Variants in KCNH7 observed in about 807,000 individuals in gnomAD.
KCNH7 encodes voltage-gated inwardly rectifying potassium channel KCNH7.
Under a neutral mutation model 120.8 loss-of-function variants are expected in KCNH7, and 49 were observed. The observed-to-expected ratio is 0.41, with a 90% CI of 0.32 to 0.51. The LOEUF (loss-of-function observed/expected upper bound fraction) is 0.51, where lower values mean the gene tolerates loss of function less well. KCNH7 is among the 20% of genes least tolerant of loss of function. KCNH7 has a pLI of 0.38. For synonymous variants in KCNH7, 547 were observed against 516.1 expected, an observed-to-expected ratio of 1.06 and a Z score of -0.81; for missense variants, 1,097 against 1,446.6, an observed-to-expected ratio of 0.76 and a Z score of 3.92.
chr2:162,482,498 C>T (rs1224388813), intron 6 of KCNH7, among the ~76,000 whole-genome samples: 2 of 152,074 alleles, frequency 1.3e-5, no homozygotes, highest in East Asian at 1.9e-4. Flanking sequence ...TATATTAAAG[C>T]GAGTTCATGT....
chr2:162,641,566 AG>A (rs964713842), intron 2 of KCNH7, among the ~76,000 whole-genome samples: 7 of 151,312 alleles, frequency 4.6e-5, no homozygotes, highest in African/African-American at 1.7e-4. Flanking sequence ...AAAAAAAAAA[AG>A]ATTGCATAGT....
At chr2:162,440,830 G>A (rs1014003653) in intron 7 of KCNH7, among the ~76,000 whole-genome samples, 20 of 151,962 alleles carry the variant, frequency 1.3e-4, no homozygotes, top group African/African-American at 4.8e-4. Flanking sequence ...TTTCTGTACA[G>A]TAGCAGACAA....
rs891308744 is a variant in KCNH7, at chr2:162,702,115, T to A, written c.307+134422A>T. Reference sequence around the variant, plus strand: ...AGAGGGAAATGCATGGAGAAAAAAATTTTTTCAAAATATTCGGTCCTTTTA... The same window carrying A: ...AGAGGGAAATGCATGGAGAAAAAAAATTTTTCAAAATATTCGGTCCTTTTA... On this transcript the variant is annotated intron_variant, in intron 2 of 15. Coordinates refer to ENST00000332142, the MANE Select transcript of KCNH7 (RefSeq NM_033272.4). Among the ~76,000 whole-genome samples, 4 of 151,836 alleles carry A rather than the reference T, an allele frequency of 2.6e-5. No homozygotes were observed. The East Asian group carries it at 5.8e-4, about 22-fold the overall frequency.
chr2:162,590,644 A>T (rs963714376), intron 2 of KCNH7, among the ~76,000 whole-genome samples: 4 of 152,118 alleles, frequency 2.6e-5, no homozygotes, highest in Non-Finnish European at 1.5e-5. Context: ...TTATCAGCAC[A>T]AAGTCCCTGG....
intron 2 of KCNH7, among the ~76,000 whole-genome samples, chr2:162,700,777 G>A (rs576825981): frequency 6.6e-6 from 1 of 152,176 alleles, no homozygotes; most frequent in South Asian, 2.1e-4. Context: ...TTTTGAGTCT[G>A]TCAAAAGCTT....
intron 6 of KCNH7, among the ~76,000 whole-genome samples, chr2:162,459,838 G>A (rs1375175218): frequency 2.0e-5 from 3 of 152,144 alleles, no homozygotes; most frequent in Non-Finnish European, 1.5e-5. Context: ...GCTCACTCCT[G>A]TAACCCTACC....
chr2:162,714,144 T>C (rs944521888), intron 2 of KCNH7, among the ~76,000 whole-genome samples: 11 of 152,240 alleles, frequency 7.2e-5, no homozygotes, highest in African/African-American at 2.7e-4. Context: ...TGCAGGATTA[T>C]GTCTAGCTTG....
chr2:162,453,246 G>A (rs1051127132), intron 6 of KCNH7, among the ~76,000 whole-genome samples: 2 of 152,282 alleles, frequency 1.3e-5, no homozygotes, highest in South Asian at 4.1e-4. Context: ...AGTTTGCTGA[G>A]AATGATGGCT....
At chr2:162,457,765 C>T (rs1274521657) in intron 6 of KCNH7, among the ~76,000 whole-genome samples, 2 of 152,070 alleles carry the variant, frequency 1.3e-5, no homozygotes, top group Admixed American at 6.6e-5. Flanking sequence ...AACTAATAGG[C>T]TAGCTGTATT....
chr2:162,531,041 G>A (rs745527369), intron 3 of KCNH7, among the ~76,000 whole-genome samples: 10 of 151,864 alleles, frequency 6.6e-5, no homozygotes, highest in Non-Finnish European at 1.0e-4. Context: ...CCTTTGTAAT[G>A]CTCTGGAAAT....
intron 2 of KCNH7, among the ~76,000 whole-genome samples, chr2:162,764,513 A>C (rs113245077): frequency 4.1e-4 from 63 of 152,306 alleles, no homozygotes; most frequent in African/African-American, 1.4e-3. Context: ...ACTACTAGAA[A>C]TGCAAAATGA....
At chr2:162,447,914 C>T (rs183606024) in intron 6 of KCNH7, among the ~76,000 whole-genome samples, 22 of 152,182 alleles carry the variant, frequency 1.4e-4, no homozygotes, top group African/African-American at 5.1e-4. Flanking sequence ...GGCAAAGCTG[C>T]TTTTTGATAA....
chr2:162,740,922 G>A (rs544191114), intron 2 of KCNH7, among the ~76,000 whole-genome samples: 1 of 152,246 alleles, frequency 6.6e-6, no homozygotes, highest in African/African-American at 2.4e-5. Context: ...TCTGGGTTTG[G>A]TAGTTTTCTC....
In KCNH7 at chr2:162,817,599, G is replaced by T. The variant is rs956806428; in HGVS notation, c.307+18938C>A. ...ACAGACCTAGAAGAGAAATTGCTGG[G>T]CCATATAGATGTATATTTACCTTTA... On this transcript the variant is annotated intron_variant, in intron 2 of 15. Coordinates refer to ENST00000332142, the MANE Select transcript of KCNH7 (RefSeq NM_033272.4). Among the ~76,000 whole-genome samples, 8 of 151,942 alleles carry T rather than the reference G, an allele frequency of 5.3e-5. No individual in the cohort carries two copies. The East Asian group carries it at 1.3e-3, about 26-fold the overall frequency.
intron 3 of KCNH7, among the ~76,000 whole-genome samples, chr2:162,520,605 AC>A (rs1691487443): frequency 6.6e-6 from 1 of 151,680 alleles, no homozygotes; most frequent in South Asian, 2.1e-4. Context: ...CTATAAAAAA[AC>A]AACAACAACA....
intron 2 of KCNH7, among the ~76,000 whole-genome samples, chr2:162,599,860 G>A (rs1694495692): frequency 6.6e-6 from 1 of 151,236 alleles, no homozygotes; most frequent in African/African-American, 2.4e-5. Context: ...GTGAAGCCAT[G>A]TCAACCAAAG....
chr2:162,698,298 T>C (rs182112879), intron 2 of KCNH7, among the ~76,000 whole-genome samples: 4 of 152,256 alleles, frequency 2.6e-5, no homozygotes, highest in Admixed American at 1.3e-4. Flanking sequence ...GCATATATGA[T>C]TGTGTATTGA....
intron 2 of KCNH7, among the ~76,000 whole-genome samples, chr2:162,691,013 T>C (rs1380861431): frequency 6.6e-6 from 1 of 152,170 alleles, no homozygotes; most frequent in African/African-American, 2.4e-5. Context: ...GGCCACAGAC[T>C]CTACTCAGTA....
chr2:162,776,293 C>T (rs685654), intron 2 of KCNH7, among the ~76,000 whole-genome samples: 15,618 of 152,132 alleles, frequency 0.1, 953 homozygotes, highest in South Asian at 0.14. Context: ...ATGTGCTCAT[C>T]TTCAAGTCGA....
Sources: allele counts gnomAD v4.1 joint callset (sites outside exome capture counted in the v4.1 genomes callset), GRCh38; gene constraint gnomAD v4.1.1; transcripts MANE v1.5; gene names NCBI Gene and HGNC (gene_info 2026-07-23, HGNC 2026-07-21).